Variants in KIAA1328 observed in about 807,000 individuals in gnomAD.
The protein encoded by KIAA1328 is protein hinderin.
Under a neutral mutation model 68.1 loss-of-function variants are expected in KIAA1328, and 52 were observed. The observed-to-expected ratio is 0.76, with a 90% CI of 0.61 to 0.96. KIAA1328 has a LOEUF of 0.96. Among genes scored for constraint, KIAA1328 ranks in the 40% least tolerant of loss-of-function variants. The pLI is 0.00. For missense variants in KIAA1328, 641 were observed against 677.6 expected (o/e 0.95, Z 0.60); for synonymous variants, 232 against 239.4 (o/e 0.97, Z 0.28).
chr18:36,905,081 A>ATATTTATTTATT (rs55910118), intron 5 of KIAA1328, among the ~76,000 whole-genome samples: 8 of 142,536 alleles, frequency 5.6e-5, no homozygotes, highest in African/African-American at 2.1e-4. Flanking sequence ...TTGTAAGGAG[A>ATATTTATTTATT]TATTTATTTA....
At chr18:37,056,031 C>T (rs988505354) in intron 6 of KIAA1328, among the ~76,000 whole-genome samples, 1 of 152,172 alleles carries the variant, frequency 6.6e-6, no homozygotes, top group East Asian at 1.9e-4. Flanking sequence ...TAGTTCACCT[C>T]TTTATGAGAC....
intron 5 of KIAA1328, among the ~76,000 whole-genome samples, chr18:36,936,145 A>AT (rs932940675): frequency 5.3e-4 from 80 of 151,682 alleles, no homozygotes; most frequent in African/African-American, 1.9e-3. Flanking sequence ...TTATTGTTTA[A>AT]TTTTTTCCCT....
intron 6 of KIAA1328, among the ~76,000 whole-genome samples, chr18:37,042,062 T>C (rs1267002783): frequency 6.6e-6 from 1 of 151,934 alleles, no homozygotes; most frequent in African/African-American, 2.4e-5. Context: ...GTTTGTTTGT[T>C]TGTTTGTTTG....
chr18:37,214,043 A>G (rs1343033925), intron 9 of KIAA1328, among the ~76,000 whole-genome samples: 1 of 152,022 alleles, frequency 6.6e-6, no homozygotes, highest in Non-Finnish European at 1.5e-5. Flanking sequence ...TAGATTCTGG[A>G]TATTAGCCCT....
intron 9 of KIAA1328, among the ~76,000 whole-genome samples, chr18:37,211,302 C>T (rs1267813557): frequency 6.6e-6 from 1 of 152,148 alleles, no homozygotes; most frequent in African/African-American, 2.4e-5. Flanking sequence ...TTCACTTATA[C>T]CTCTCTGGAC....
At chr18:36,945,248 C>T (rs550233469) in intron 5 of KIAA1328, among the ~76,000 whole-genome samples, 4 of 152,112 alleles carry the variant, frequency 2.6e-5, no homozygotes, top group Non-Finnish European at 5.9e-5. Context: ...AACAAAAAAT[C>T]TGGTTCTTTA....
At chr18:36,969,221 A>G (rs1005419392) in intron 6 of KIAA1328, among the ~76,000 whole-genome samples, 3 of 152,180 alleles carry the variant, frequency 2.0e-5, no homozygotes, top group African/African-American at 7.2e-5. Context: ...CATCACAACT[A>G]AAAGAACTAG....
intron 9 of KIAA1328, among the ~76,000 whole-genome samples, chr18:37,203,717 C>T (rs966775746): frequency 4.6e-5 from 7 of 152,192 alleles, no homozygotes; most frequent in Non-Finnish European, 1.0e-4. Context: ...GGAGGGCATA[C>T]TGGTTTGGCT....
intron 6 of KIAA1328, among the ~76,000 whole-genome samples, chr18:37,052,087 G>T (rs564288613): frequency 6.7e-6 from 1 of 149,996 alleles, no homozygotes; most frequent in African/African-American, 2.4e-5. Flanking sequence ...AACATAGGTA[G>T]AGATTTTCTT....
At chr18:36,901,318 T>C (rs1047998537) in intron 5 of KIAA1328, among the ~76,000 whole-genome samples, 26 of 151,970 alleles carry the variant, frequency 1.7e-4, no homozygotes, top group Non-Finnish European at 2.9e-5. Context: ...AGTCACTTGG[T>C]GGGGGAGGCA....
chr18:36,914,869 C>G, intron 5 of KIAA1328, among the ~76,000 whole-genome samples: 1 of 152,096 alleles, frequency 6.6e-6, no homozygotes, highest in South Asian at 2.1e-4. Context: ...ATTAAATATA[C>G]AGAGAATCTG....
At chr18:37,202,924 G>A (rs1197121488) in intron 9 of KIAA1328, among the ~76,000 whole-genome samples, 1 of 151,956 alleles carries the variant, frequency 6.6e-6, no homozygotes, top group Non-Finnish European at 1.5e-5. Context: ...TTTAGCCAAA[G>A]CAATAATTCA....
At chr18:37,048,807 A>G (rs948884831) in intron 6 of KIAA1328, among the ~76,000 whole-genome samples, 2 of 152,150 alleles carry the variant, frequency 1.3e-5, no homozygotes, top group African/African-American at 4.8e-5. Flanking sequence ...GCTGGAATAC[A>G]CTAAATACAT....
Position 37,223,189 on chromosome 18 carries a change from G to T in KIAA1328, c.*962G>T. The stretch of plus-strand genomic sequence containing the variant: ...CTGGCCCTCCCTTTTCCTCCACGAG[G>T]ATTAAAGGATACAAGCTGACCAGGC... On this transcript the variant is annotated 3_prime_UTR_variant, in exon 10 of 10. Coordinates refer to ENST00000280020, the MANE Select transcript of KIAA1328 (RefSeq NM_020776.3). 1 of 985,140 alleles carries T rather than the reference G, an allele frequency of 1.0e-6. No homozygotes were observed. Among genetic ancestry groups the T allele is most frequent in the East Asian group, 1.1e-4 (1 of 8,774 alleles). The allele number at this position is 985,140 out of a possible 1,614,324, so 61.0% of individuals were successfully genotyped here. A position where few individuals can be genotyped will look rare whatever the true frequency, so the allele number is the denominator to read the frequency against.
intron 7 of KIAA1328, among the ~76,000 whole-genome samples, chr18:37,071,232 C>T (rs1230124716): frequency 1.3e-5 from 2 of 151,622 alleles, no homozygotes; most frequent in African/African-American, 2.4e-5. Flanking sequence ...GCTGCCATGC[C>T]CAGCTAGTTT....
At chr18:36,878,937 A>C (rs2048235274) in intron 4 of KIAA1328, among the ~76,000 whole-genome samples, 1 of 152,130 alleles carries the variant, frequency 6.6e-6, no homozygotes, top group Non-Finnish European at 1.5e-5. Context: ...CAAGGTTCTT[A>C]GCTTCCTTGC....
chr18:36,883,951 A>AATATATATATATATATATATAT, intron 4 of KIAA1328, among the ~76,000 whole-genome samples: 4 of 73,010 alleles, frequency 5.5e-5, no homozygotes, highest in African/African-American at 3.6e-4. Flanking sequence ...ATATTTATAA[A>AATATATATATATATATATATAT]GTATATATAT....
intron 7 of KIAA1328, among the ~76,000 whole-genome samples, chr18:37,104,470 G>T (rs184019880): frequency 6.6e-6 from 1 of 152,198 alleles, no homozygotes; most frequent in African/African-American, 2.4e-5. Context: ...AGTTGAGGTA[G>T]AGAGTAGAAT....
chr18:36,899,464 A>G (rs1370601729), intron 5 of KIAA1328, among the ~76,000 whole-genome samples: 2 of 151,906 alleles, frequency 1.3e-5, no homozygotes, highest in African/African-American at 4.8e-5. Context: ...AATCTGCATA[A>G]TCTGACACTC....
Sources: gnomAD v4.1 joint callset for allele counts (sites outside exome capture counted in the v4.1 genomes callset) on GRCh38, gnomAD v4.1.1 for gene constraint, MANE v1.5 for transcripts, NCBI Gene and HGNC (gene_info 2026-07-23, HGNC 2026-07-21) for gene names.